Variants in FRRS1L observed in about 807,000 individuals in gnomAD.
FRRS1L encodes ferric chelate reductase 1 like.
A neutral mutation model predicts 28.6 loss-of-function variants in FRRS1L; 22 were observed. That is an observed-to-expected ratio of 0.77 (90% CI 0.55 to 1.10). The LOEUF (loss-of-function observed/expected upper bound fraction) is 1.10. Among genes scored for constraint, FRRS1L ranks in the 50% least tolerant of loss-of-function variants. The pLI is 0.00. For missense variants in FRRS1L, 380 were observed against 386.9 expected, an observed-to-expected ratio of 0.98 and a Z score of 0.15; for synonymous variants, 158 against 151.4, an observed-to-expected ratio of 1.04 and a Z score of -0.32.
At chr9:109,155,955 T>C (rs1831398486) in intron 1 of FRRS1L, among the ~76,000 whole-genome samples, 1 of 152,132 alleles carries the variant, frequency 6.6e-6, no homozygotes, top group East Asian at 1.9e-4. Context: ...GAATTACATC[T>C]CAATAAAACT....
At chr9:109,152,553 C>T (rs542467481) in intron 1 of FRRS1L, among the ~76,000 whole-genome samples, 30 of 151,220 alleles carry the variant, frequency 2.0e-4, no homozygotes, top group Non-Finnish European at 4.1e-4. Context: ...ACCTGTAATC[C>T]CAGCACTTTG....
chr9:109,149,665 G>A lies in FRRS1L; in HGVS notation c.294C>T (p.Asp98=), dbSNP rs755962433. ...AGCATCCCTTAGTTTTTCCACAGTCGTCCACTTTGATTTTGGCAAATGGAT... is the reference window on the plus strand; with the variant it reads ...AGCATCCCTTAGTTTTTCCACAGTCATCCACTTTGATTTTGGCAAATGGAT... The part of the protein sequence containing the change: ...PVDPFAKIKV[D]DCGKTKGCFR... The change falls in exon 2 of 5, where the codon GAC becomes GAT. Residue 98 remains aspartate, a synonymous_variant. Transcript: ENST00000561981. The A allele has an allele frequency of 2.5e-5, 40 of 1,613,028 alleles. No homozygotes were observed. In the South Asian group the frequency reaches 2.6e-4, roughly 11 times the overall value.
intron 1 of FRRS1L, among the ~76,000 whole-genome samples, chr9:109,153,533 T>G (rs2118496191): frequency 6.6e-6 from 1 of 152,334 alleles, no homozygotes; most frequent in Admixed American, 6.5e-5. Flanking sequence ...AGTTGTATCC[T>G]TTATAATAAA....
intron 4 of FRRS1L, chr9:109,138,701 G>C (rs1017253704): frequency 6.6e-6 from 1 of 151,896 alleles, no homozygotes; most frequent in African/African-American, 2.4e-5. Context: ...TAACAGAGCA[G>C]ACTTTTCTCT....
intron 1 of FRRS1L, among the ~76,000 whole-genome samples, chr9:109,157,045 C>T (rs970406635): frequency 2.0e-5 from 3 of 152,144 alleles, no homozygotes; most frequent in African/African-American, 4.8e-5. Context: ...TTTAGATTCA[C>T]GCCAGATATT....
At position 109,147,191 on chromosome 9, in the gene FRRS1L, T is replaced by C; in HGVS notation, c.324-2A>G. ...GCATTACAGCCTGGTTTGCCATATCTAGAAGAGATATCGAAAGAGACTTTA... is the reference window on the plus strand; with the variant it reads ...GCATTACAGCCTGGTTTGCCATATCCAGAAGAGATATCGAAAGAGACTTTA... On this transcript the variant is annotated splice_acceptor_variant, in intron 2 of 4. Transcript: ENST00000561981. LOFTEE classifies it high-confidence loss of function. 1 of 1,611,588 alleles carries C rather than the reference T, an allele frequency of 6.2e-7. No homozygotes were observed. Among genetic ancestry groups the C allele is most frequent in the Non-Finnish European group, 8.5e-7 (1 of 1,177,918 alleles).
intron 4 of FRRS1L, chr9:109,140,679 CT>C (rs1352854623): frequency 6.6e-6 from 1 of 151,930 alleles, no homozygotes; most frequent in Non-Finnish European, 1.5e-5. Context: ...TCCAGAAGCC[CT>C]TCCTGTTCAG....
At chr9:109,151,521 C>T (rs572173496) in intron 1 of FRRS1L, 165 of 201,650 alleles carry the variant, frequency 8.2e-4, no homozygotes, top group South Asian at 3.9e-3. Context: ...AATCTAATGC[C>T]TGATGATCTG....
chr9:109,161,733 A>G (rs763604212), intron 1 of FRRS1L, among the ~76,000 whole-genome samples: 24 of 152,194 alleles, frequency 1.6e-4, no homozygotes, highest in Non-Finnish European at 2.5e-4. Context: ...TTAGCTATTA[A>G]TTTAGTACTT....
At chr9:109,142,884 A>G (rs1169610153) in intron 3 of FRRS1L, among the ~76,000 whole-genome samples, 1 of 152,206 alleles carries the variant, frequency 6.6e-6, no homozygotes. Context: ...TTTTACCACA[A>G]TAAAAAAGTT....
chr9:109,153,318 G>C (rs1234592150), intron 1 of FRRS1L, among the ~76,000 whole-genome samples: 1 of 152,298 alleles, frequency 6.6e-6, no homozygotes, highest in Non-Finnish European at 1.5e-5. Context: ...GTTTAACCAT[G>C]TGGCCAAATG....
In FRRS1L at chr9:109,157,530, G is replaced by T. The variant is rs1831426330; in HGVS notation, c.239-7810C>A. Among the ~76,000 whole-genome samples, 3 of 152,168 alleles carry T rather than the reference G, an allele frequency of 2.0e-5. No homozygotes were observed. In the East Asian group the frequency reaches 5.8e-4, roughly 29 times the overall value. On this transcript the variant is annotated intron_variant, in intron 1 of 4. Transcript: ENST00000561981. ...GCACCCTGAGCAGCTGGGACCACAG[G>T]CAGGTGCCACCATGCCTGGCTAATT...
chr9:109,165,592 C>A (rs752608124), intron 1 of FRRS1L, among the ~76,000 whole-genome samples: 4 of 152,174 alleles, frequency 2.6e-5, no homozygotes, highest in African/African-American at 4.8e-5. Flanking sequence ...AATACATTTC[C>A]CCAAATCCAT....
At chr9:109,142,162 T>C (rs1053061117) in intron 3 of FRRS1L, among the ~76,000 whole-genome samples, 6 of 152,120 alleles carry the variant, frequency 3.9e-5, no homozygotes, top group African/African-American at 1.4e-4. Context: ...TAATAAACTA[T>C]ATAATAAAAG....
rs565342197 is a variant in FRRS1L, at chr9:109,133,386, A to G, written c.*4069T>C. 5 of 152,240 alleles carry G rather than the reference A, an allele frequency of 3.3e-5. No homozygotes were observed. The highest frequency in any genetic ancestry group is 9.6e-5 in the African/African-American group (4 of 41,460). 9.4% of individuals were successfully genotyped at this position (152,240 alleles called of 1,614,324 possible). The stretch of plus-strand genomic sequence containing the variant: ...TAAAACATGCTCCTTTCCTCTAAAT[A>G]TAACTATAAAAAGTCCTCCAATTAA... On this transcript the variant is annotated 3_prime_UTR_variant, in exon 5 of 5. Transcript: ENST00000561981.
chr9:109,141,197 C>T lies in FRRS1L; in HGVS notation c.709+146G>A, dbSNP rs942595694. 1.0e-5 allele frequency: 8 copies of T among 787,256 alleles called. No homozygotes were observed. In the South Asian group the frequency reaches 1.4e-4, roughly 14 times the overall value. The allele number at this position is 787,256 out of a possible 1,614,324, so 48.8% of individuals were successfully genotyped here. On this transcript the variant is annotated intron_variant, in intron 4 of 4. Coordinates refer to ENST00000561981, the MANE Select transcript of FRRS1L (RefSeq NM_014334.4). ...ATTATAATAAGTCCATTATAACCTT[C>T]TGAAGGTAGGAGTCGCATCTCCTTT...
chr9:109,159,476 C>T (rs935140626), intron 1 of FRRS1L, among the ~76,000 whole-genome samples: 1 of 152,106 alleles, frequency 6.6e-6, no homozygotes, highest in African/African-American at 2.4e-5. Flanking sequence ...ACCAGCCTGA[C>T]CAACATGGTG....
At chr9:109,142,229 T>C (rs186700702) in intron 3 of FRRS1L, among the ~76,000 whole-genome samples, 2 of 152,352 alleles carry the variant, frequency 1.3e-5, no homozygotes, top group Admixed American at 6.5e-5. Flanking sequence ...TAAAGGATTA[T>C]GATATTTGCT....
intron 3 of FRRS1L, among the ~76,000 whole-genome samples, chr9:109,146,220 T>C (rs368130995): frequency 4.7e-5 from 7 of 149,380 alleles, no homozygotes; most frequent in African/African-American, 1.5e-4. Flanking sequence ...AACAAACAAA[T>C]AAATTAAATA....
Sources: gnomAD v4.1 joint callset for allele counts (sites outside exome capture counted in the v4.1 genomes callset) on GRCh38, gnomAD v4.1.1 for gene constraint, MANE v1.5 for transcripts, NCBI Gene and HGNC (gene_info 2026-07-23, HGNC 2026-07-21) for gene names.